Variants in BTBD1 observed in about 807,000 individuals in gnomAD.
The protein encoded by BTBD1 is BTB/POZ domain-containing protein 1.
A neutral mutation model predicts 48.0 loss-of-function variants in BTBD1; 34 were observed. The ratio of observed to expected loss-of-function variants is 0.71; its 90% CI spans 0.54 to 0.94. The LOEUF (loss-of-function observed/expected upper bound fraction) is 0.94. Among genes scored for constraint, BTBD1 ranks in the 40% least tolerant of loss-of-function variants. The probability of loss-of-function intolerance (pLI) is 0.00; values close to 1 mark genes in which losing one functional copy is unlikely to be tolerated. For synonymous variants in BTBD1, 261 were observed against 242.1 expected (o/e 1.08, Z -0.72); for missense variants, 543 against 625.6 (o/e 0.87, Z 1.41).
chr15:83,049,824 T>C (rs150829279), intron 3 of BTBD1, among the ~76,000 whole-genome samples: 1 of 152,322 alleles, frequency 6.6e-6, no homozygotes, highest in East Asian at 1.9e-4. Context: ...CTATGGACCC[T>C]AGAATAATGC....
At position 83,041,875 on chromosome 15, in the gene BTBD1, G is replaced by T. The variant is rs776326577; in HGVS notation, c.715C>A (p.Arg239=). ...CAGCGTACAACAGCTCCAAAAAGTC[G>T]ACTTTCTCGAATACTGAGTGTGTCT... The part of the protein sequence containing the change: ...ERDTLSIRES[R]LFGAVVRWAE... Residue 239 remains arginine, a synonymous_variant, in exon 4 of 8, where the codon CGA becomes AGA. Transcript: ENST00000261721. 1 of 1,613,962 alleles carries T rather than the reference G, an allele frequency of 6.2e-7. No individual in the cohort carries two copies. Among genetic ancestry groups the T allele is most frequent in the Non-Finnish European group, 8.5e-7 (1 of 1,180,028 alleles).
rs779938200 is a variant in BTBD1 at position 83,066,938 on chromosome 15, G to A, written c.214C>T (p.Arg72Cys). 1.9e-6 allele frequency: 3 copies of A among 1,572,292 alleles called. No homozygotes were observed. In the Admixed American group the frequency reaches 5.4e-5, roughly 29 times the overall value. ...LFNSELLSDVRFVLGKGRGAA... is the reference protein window; with the variant it reads ...LFNSELLSDVCFVLGKGRGAA... ...CCGCGACCCTTGCCCAGTACGAAGCGCACATCGCTCAGCAGCTCCGAGTTG... is the reference window on the plus strand; with the variant it reads ...CCGCGACCCTTGCCCAGTACGAAGCACACATCGCTCAGCAGCTCCGAGTTG... Residue 72 changes from arginine (R) to cysteine (C), a missense_variant, in exon 1 of 8, where the codon CGC becomes TGC. Physicochemically the swap from Arg to Cys is radical, Grantham distance 180. Transcript: ENST00000261721.
chr15:83,028,117 G>A (rs1453070898), intron 5 of BTBD1, among the ~76,000 whole-genome samples: 2 of 152,114 alleles, frequency 1.3e-5, no homozygotes, highest in Non-Finnish European at 2.9e-5. Flanking sequence ...AACTACTAAT[G>A]TACATAATGC....
At chr15:83,057,626 CT>C (rs2033109918) in intron 1 of BTBD1, among the ~76,000 whole-genome samples, 1 of 152,100 alleles carries the variant, frequency 6.6e-6, no homozygotes, top group African/African-American at 2.4e-5. Flanking sequence ...TTCCTTTTTT[CT>C]CCACAGCACC....
chr15:83,048,943 G>A (rs558303525), intron 3 of BTBD1, among the ~76,000 whole-genome samples: 22 of 152,228 alleles, frequency 1.4e-4, no homozygotes, highest in African/African-American at 4.6e-4. Flanking sequence ...AGGAATAAAC[G>A]TTTACAAAGT....
chr15:83,049,227 A>C (rs1263528632), intron 3 of BTBD1, among the ~76,000 whole-genome samples: 1 of 152,174 alleles, frequency 6.6e-6, no homozygotes, highest in African/African-American at 2.4e-5. Flanking sequence ...ACACACTCTC[A>C]TTCAGACTGA....
chr15:83,060,487 A>C (rs567194278), intron 1 of BTBD1, among the ~76,000 whole-genome samples: 1 of 151,122 alleles, frequency 6.6e-6, no homozygotes, highest in Admixed American at 6.6e-5. Context: ...AACTTAGGTT[A>C]TATTTAATCT....
intron 5 of BTBD1, among the ~76,000 whole-genome samples, chr15:83,023,429 G>C (rs1304128257): frequency 6.6e-6 from 1 of 152,094 alleles, no homozygotes; most frequent in African/African-American, 2.4e-5. Context: ...ACCCGAACTG[G>C]AGAGCAGTGG....
At chr15:83,056,333 ATAGTT>A in intron 2 of BTBD1, 51 bp downstream of exon 2, 3 of 1,213,042 alleles carry the variant, frequency 2.5e-6, no homozygotes, top group Non-Finnish European at 3.6e-6. Flanking sequence ...ATGCCCATAT[ATAGTT>A]TACTCAATTT....
At chr15:83,046,347 T>C (rs1300380310) in intron 3 of BTBD1, among the ~76,000 whole-genome samples, 2 of 152,202 alleles carry the variant, frequency 1.3e-5, no homozygotes, top group African/African-American at 4.8e-5. Context: ...GACAAACACA[T>C]AGGTCTTCTA....
chr15:83,016,943 T>A lies in BTBD1; in HGVS notation c.*1124A>T, dbSNP rs2032179301. The A allele has an allele frequency of 6.6e-6, 1 of 152,416 alleles. No homozygotes were observed. Among genetic ancestry groups the A allele is most frequent in the Admixed American group, 6.5e-5 (1 of 15,278 alleles). 9.4% of individuals were successfully genotyped at this position (152,416 alleles called of 1,614,324 possible). ...TACCTTAAACTCCACTTTCATTTTT[T>A]ATAAGAGAATCACTTTCAAGGGAAA... On this transcript the variant is annotated 3_prime_UTR_variant, in exon 8 of 8. Coordinates refer to ENST00000261721, the MANE Select transcript of BTBD1 (RefSeq NM_025238.4).
intron 1 of BTBD1, among the ~76,000 whole-genome samples, chr15:83,060,118 C>T (rs28454771): frequency 0.07 from 10,622 of 152,076 alleles, 398 homozygotes; most frequent in Middle Eastern, 0.1. Context: ...AATAAATACA[C>T]GTTAATTGAC....
intron 2 of BTBD1, among the ~76,000 whole-genome samples, chr15:83,052,392 T>C (rs2033004356): frequency 6.6e-6 from 1 of 152,268 alleles, no homozygotes; most frequent in Non-Finnish European, 1.5e-5. Flanking sequence ...CTTTTACTCT[T>C]AAATTTCCTA....
chr15:83,033,619 C>A (rs1358768085), intron 4 of BTBD1, among the ~76,000 whole-genome samples: 1 of 152,020 alleles, frequency 6.6e-6, no homozygotes, highest in Non-Finnish European at 1.5e-5. Flanking sequence ...CTCACTGTTG[C>A]CCAGGTATGG....
chr15:83,060,279 A>AT (rs1261686488), intron 1 of BTBD1, among the ~76,000 whole-genome samples: 1 of 151,046 alleles, frequency 6.6e-6, no homozygotes, highest in Non-Finnish European at 1.5e-5. Context: ...TTTTTATAAT[A>AT]TTTAAAAAAA....
At chr15:83,066,706 CG>C in intron 1 of BTBD1, 44 bp downstream of exon 1, 1 of 1,123,806 alleles carries the variant, frequency 8.9e-7, no homozygotes, top group Non-Finnish European at 1.1e-6. Flanking sequence ...CAGCCCGGCC[CG>C]GCCCGGCCCG....
chr15:83,060,699 CAGG>C (rs2033162631), intron 1 of BTBD1, among the ~76,000 whole-genome samples: 1 of 152,114 alleles, frequency 6.6e-6, no homozygotes, highest in African/African-American at 2.4e-5. Flanking sequence ...GAGGCTAAGC[CAGG>C]AGAATTGCTT....
At chr15:83,031,059 G>A (rs1221312450) in intron 4 of BTBD1, among the ~76,000 whole-genome samples, 1 of 152,114 alleles carries the variant, frequency 6.6e-6, no homozygotes, top group East Asian at 1.9e-4. Flanking sequence ...GGGACGGCTG[G>A]GTCAAATGGT....
chr15:83,023,381 T>A (rs1324613086), intron 5 of BTBD1, among the ~76,000 whole-genome samples: 4 of 152,040 alleles, frequency 2.6e-5, no homozygotes, highest in Non-Finnish European at 5.9e-5. Flanking sequence ...CTTTAAAAAA[T>A]TTTTATTTTT....
Sources: allele counts gnomAD v4.1 joint callset (sites outside exome capture counted in the v4.1 genomes callset), GRCh38; gene constraint gnomAD v4.1.1; transcripts MANE v1.5; gene names NCBI Gene and HGNC (gene_info 2026-07-23, HGNC 2026-07-21).